TMEM132D: variants seen among roughly 807,000 people sequenced by gnomAD.
TMEM132D encodes mature OL transmembrane protein.
TMEM132D carries 21 observed loss-of-function variants against 62.3 expected under a neutral mutation model. The observed-to-expected ratio is 0.34, with a 90% CI of 0.24 to 0.49. TMEM132D has a LOEUF of 0.49. Among genes scored for constraint, TMEM132D ranks in the 20% least tolerant of loss-of-function variants. TMEM132D has a pLI of 0.99. For missense variants in TMEM132D, 1,346 were observed against 1,402.8 expected (o/e 0.96, Z 0.65); for synonymous variants, 621 against 575.6 (o/e 1.08, Z -1.13).
intron 1 of TMEM132D, among the ~76,000 whole-genome samples, chr12:129,713,662 G>C (rs1020346029): frequency 6.6e-6 from 1 of 152,206 alleles, no homozygotes; most frequent in Non-Finnish European, 1.5e-5. Context: ...AGAGGCAGGT[G>C]TGTGAGTCCC....
intron 2 of TMEM132D, among the ~76,000 whole-genome samples, chr12:129,630,660 A>C: frequency 6.6e-6 from 1 of 152,214 alleles, no homozygotes; most frequent in East Asian, 1.9e-4. Flanking sequence ...AATACTTATG[A>C]TATGCTAAGC....
chr12:129,496,694 C>G (rs527875901), intron 3 of TMEM132D, among the ~76,000 whole-genome samples: 4 of 151,962 alleles, frequency 2.6e-5, no homozygotes, highest in Non-Finnish European at 5.9e-5. Context: ...AAGCAATGAG[C>G]CACCAGGAGA....
chr12:129,413,274 T>C (rs1041084052), intron 3 of TMEM132D, among the ~76,000 whole-genome samples: 3 of 152,164 alleles, frequency 2.0e-5, no homozygotes, highest in African/African-American at 4.8e-5. Context: ...AGTGAATAAG[T>C]CTCACAAGAT....
intron 5 of TMEM132D, chr12:129,208,705 T>C (rs1878931406): frequency 6.6e-6 from 1 of 152,162 alleles, no homozygotes; most frequent in African/African-American, 2.4e-5. Context: ...CGGGCTTTTG[T>C]TGGCAGCCTC....
chr12:129,711,808 T>C (rs1868380431), intron 1 of TMEM132D, among the ~76,000 whole-genome samples: 1 of 148,104 alleles, frequency 6.8e-6, no homozygotes, highest in African/African-American at 2.5e-5. Flanking sequence ...ATATATTATA[T>C]ATTTACATTA....
chr12:129,527,833 A>G (rs1476640124), intron 3 of TMEM132D, among the ~76,000 whole-genome samples: 1 of 152,240 alleles, frequency 6.6e-6, no homozygotes, highest in Non-Finnish European at 1.5e-5. Flanking sequence ...TCACATGTTC[A>G]TACTGTTATG....
intron 4 of TMEM132D, among the ~76,000 whole-genome samples, chr12:129,216,211 G>C (rs778316855): frequency 6.6e-6 from 1 of 152,184 alleles, no homozygotes; most frequent in Non-Finnish European, 1.5e-5. Flanking sequence ...GATTTGGTGC[G>C]TTAGTATTTG....
intron 1 of TMEM132D, among the ~76,000 whole-genome samples, chr12:129,833,239 C>T (rs1872900412): frequency 1.3e-5 from 2 of 152,184 alleles, no homozygotes; most frequent in Admixed American, 6.5e-5. Flanking sequence ...AAGTAAGCTA[C>T]AGTCGGACAC....
intron 3 of TMEM132D, among the ~76,000 whole-genome samples, chr12:129,404,093 G>C (rs1159343882): frequency 6.6e-6 from 1 of 152,132 alleles, no homozygotes; most frequent in Non-Finnish European, 1.5e-5. Context: ...ACACAGGATG[G>C]GGATGCAGTT....
chr12:129,391,750 T>C (rs1871295294), intron 3 of TMEM132D, among the ~76,000 whole-genome samples: 1 of 152,172 alleles, frequency 6.6e-6, no homozygotes, highest in African/African-American at 2.4e-5. Flanking sequence ...AGCCCTGGCA[T>C]CAGTATTTCT....
intron 5 of TMEM132D, chr12:129,085,086 C>A: frequency 3.3e-6 from 1 of 303,204 alleles, no homozygotes; most frequent in Non-Finnish European, 6.0e-6. Flanking sequence ...GCTTCTCTGC[C>A]CAGTGACTAC....
At chr12:129,243,802 C>T (rs1879998510) in intron 4 of TMEM132D, among the ~76,000 whole-genome samples, 1 of 152,184 alleles carries the variant, frequency 6.6e-6, no homozygotes. Context: ...GCAAATTACT[C>T]TTGATTAACT....
intron 3 of TMEM132D, among the ~76,000 whole-genome samples, chr12:129,409,168 G>A (rs1353785501): frequency 6.6e-6 from 1 of 152,056 alleles, no homozygotes. Flanking sequence ...CCTGACCTCA[G>A]GTGATCCACC....
At chr12:129,177,479 C>T (rs866528227) in intron 5 of TMEM132D, among the ~76,000 whole-genome samples, 7 of 152,048 alleles carry the variant, frequency 4.6e-5, no homozygotes, top group South Asian at 2.1e-4. Context: ...TATATGTGGC[C>T]GGGGATGATT....
rs564573614 is a variant in TMEM132D, at chr12:129,546,608, T to C, written c.969-15403A>G. Among the ~76,000 whole-genome samples, 6 of 152,198 alleles carry C rather than the reference T, an allele frequency of 3.9e-5. No individual in the cohort carries two copies. The East Asian group carries it at 1.2e-3, about 29-fold the overall frequency. On this transcript the variant is annotated intron_variant, in intron 2 of 8. Coordinates refer to ENST00000422113, the MANE Select transcript of TMEM132D (RefSeq NM_133448.3). ...CAAGGTCAGGAGTTCGAGACCAGCC[T>C]GACCAACATGGTGAAACCCCGTCTC...
At chr12:129,719,252 C>T (rs1200014500) in intron 1 of TMEM132D, among the ~76,000 whole-genome samples, 1 of 152,018 alleles carries the variant, frequency 6.6e-6, no homozygotes, top group African/African-American at 2.4e-5. Context: ...GAGTGAGACC[C>T]TGTCTCAAAA....
rs1433795538 is a variant in TMEM132D, at chr12:129,903,255, C to T, written c.79+6G>A. ...CCCCGGGCCCTGGCGGCCGCGGCGT[C>T]CTCACCTTTGGAAAACAGGGCGGCC... On this transcript the variant is annotated splice_donor_region_variant and intron_variant, in intron 1 of 8. Coordinates refer to ENST00000422113, the MANE Select transcript of TMEM132D (RefSeq NM_133448.3). This position sits in a 1 kb window ranked among gnomAD's most constrained non-coding sequence, Gnocchi z 6.2. 1.3e-6 allele frequency: 2 copies of T among 1,552,104 alleles called. No individual in the cohort carries two copies. The highest frequency in any genetic ancestry group is 2.7e-5 in the African/African-American group (2 of 73,092).
chr12:129,085,676 C>G (rs2398450), intron 5 of TMEM132D: 1 of 152,232 alleles, frequency 6.6e-6, no homozygotes, highest in Admixed American at 6.5e-5. Flanking sequence ...ATGAGGAAGC[C>G]GGCAGGAGTG....
intron 1 of TMEM132D, among the ~76,000 whole-genome samples, chr12:129,742,212 T>C (rs1323950803): frequency 1.3e-5 from 2 of 152,214 alleles, no homozygotes; most frequent in East Asian, 1.9e-4. Flanking sequence ...AAGGAATAGC[T>C]GAGACTGAGT....
Sources: allele counts gnomAD v4.1 joint callset (sites outside exome capture counted in the v4.1 genomes callset), GRCh38; gene constraint gnomAD v4.1.1; non-coding constraint Gnocchi (gnomAD v3.1); transcripts MANE v1.5; gene names NCBI Gene and HGNC (gene_info 2026-07-23, HGNC 2026-07-21).